PKD2L2: variants seen among roughly 807,000 people sequenced by gnomAD.
PKD2L2 encodes polycystin 2 like 2, transient receptor potential cation channel.
In PKD2L2, 67 loss-of-function variants were observed where a neutral mutation model predicts 83.9. The observed-to-expected ratio is 0.80, with a 90% CI of 0.66 to 0.98. PKD2L2 has a LOEUF of 0.98. PKD2L2 is among the 50% of genes least tolerant of loss of function. The pLI is 0.00. For synonymous variants in PKD2L2, 223 were observed against 237.8 expected, an observed-to-expected ratio of 0.94 and a Z score of 0.57; for missense variants, 632 against 717.2, an observed-to-expected ratio of 0.88 and a Z score of 1.36.
In PKD2L2 at chr5:137,921,776, C is replaced by T. The variant is rs1391452532; in HGVS notation, c.1449+20C>T. On this transcript the variant is annotated intron_variant, in intron 9 of 14. Transcript: ENST00000508883. ...CTGCTGGTAAGAATAATACATATTC[C>T]TTTCATTTCTTACTTTTTAGAATAA... is the stretch of plus-strand genomic sequence containing the variant. 6.6e-7 allele frequency: 1 copy of T among 1,523,258 alleles called. No homozygotes were observed. The highest frequency in any genetic ancestry group is 8.9e-7 in the Non-Finnish European group (1 of 1,117,796). The allele number at this position is 1,523,258 out of a possible 1,614,324, so 94.4% of individuals were successfully genotyped here. A position where few individuals can be genotyped will look rare whatever the true frequency, so the allele number is the denominator to read the frequency against.
At chr5:137,909,606 G>A (rs56215870) in intron 8 of PKD2L2, among the ~76,000 whole-genome samples, 24,712 of 141,544 alleles carry the variant, frequency 0.17, 2,177 homozygotes, top group Middle Eastern at 0.18. Flanking sequence ...CTACACTGGC[G>A]TTATCACAGC....
intron 12 of PKD2L2, among the ~76,000 whole-genome samples, chr5:137,932,488 G>A (rs1759956151): frequency 6.6e-6 from 1 of 152,086 alleles, no homozygotes; most frequent in African/African-American, 2.4e-5. Flanking sequence ...TACTACACAG[G>A]TATTAAAAGA....
chr5:137,919,248 T>A (rs1038390374), intron 8 of PKD2L2, among the ~76,000 whole-genome samples: 1 of 152,194 alleles, frequency 6.6e-6, no homozygotes, highest in Admixed American at 6.5e-5. Flanking sequence ...TATAACCCTG[T>A]ATGTTGAGGC....
intron 8 of PKD2L2, among the ~76,000 whole-genome samples, chr5:137,912,714 T>C (rs1757939627): frequency 6.6e-6 from 1 of 151,962 alleles, no homozygotes; most frequent in Non-Finnish European, 1.5e-5. Context: ...TTTTTTCATA[T>C]ATCTATTGGC....
chr5:137,911,095 C>G (rs1043071730), intron 8 of PKD2L2, among the ~76,000 whole-genome samples: 3 of 152,132 alleles, frequency 2.0e-5, no homozygotes, highest in African/African-American at 7.2e-5. Flanking sequence ...AAAATAAAAA[C>G]TCTATACCAA....
intron 12 of PKD2L2, among the ~76,000 whole-genome samples, chr5:137,929,545 A>AC (rs1192833718): frequency 6.8e-6 from 1 of 147,402 alleles, no homozygotes; most frequent in Non-Finnish European, 1.5e-5. Flanking sequence ...AAAAAAAAAA[A>AC]AAAAAAAAAA....
intron 10 of PKD2L2, among the ~76,000 whole-genome samples, chr5:137,923,933 C>T (rs1006095560): frequency 1.3e-4 from 20 of 152,220 alleles, no homozygotes; most frequent in African/African-American, 4.8e-4. Context: ...TGTTTCTGTT[C>T]ATGGCTACAC....
Position 137,908,890 on chromosome 5 carries a change from A to C in PKD2L2, c.1272A>C (p.Leu424Phe), listed in dbSNP as rs1371018643. Residue 424 changes from leucine to phenylalanine, a missense_variant, in exon 8 of 15, where the codon TTA becomes TTC. This residue lies in a region of PKD2L2 where 399 missense variants were observed against 416.9 expected (regional missense o/e 0.96). Transcript: ENST00000508883. ...TAATATTCTTTGCTTATGCCCAGTT[A>C]GGATTTCTTGTTTTTGGATCACAAG... is the stretch of plus-strand genomic sequence containing the variant. ...FFIIFFAYAQ[L>F]GFLVFGSQVD... 1.2e-6 allele frequency: 2 copies of C among 1,609,778 alleles called. No homozygotes were observed. The highest frequency in any genetic ancestry group is 2.2e-5 in the South Asian group (2 of 90,398).
intron 8 of PKD2L2, among the ~76,000 whole-genome samples, chr5:137,914,834 C>A (rs1758178011): frequency 6.6e-6 from 1 of 151,970 alleles, no homozygotes; most frequent in East Asian, 1.9e-4. Flanking sequence ...AGTTTTTATC[C>A]TGAAAATACG....
intron 10 of PKD2L2, among the ~76,000 whole-genome samples, chr5:137,924,812 T>A (rs1759237869): frequency 6.6e-6 from 1 of 152,180 alleles, no homozygotes; most frequent in Non-Finnish European, 1.5e-5. Context: ...TTTTCCAAGT[T>A]CCAGAGTAAT....
At chr5:137,889,552 A>G in intron 1 of PKD2L2, 30 bp downstream of exon 1, 1 of 1,521,306 alleles carries the variant, frequency 6.6e-7, no homozygotes, top group Non-Finnish European at 8.7e-7. Context: ...AGTGGGAGGG[A>G]CAGGGGCGAT....
At chr5:137,938,043 A>T (rs564354919) in intron 14 of PKD2L2, 3 of 152,144 alleles carry the variant, frequency 2.0e-5, no homozygotes, top group African/African-American at 7.2e-5. Context: ...GTGGACATAT[A>T]TATCTATATA....
chr5:137,932,270 C>T (rs1177763325), intron 12 of PKD2L2, among the ~76,000 whole-genome samples: 1 of 151,908 alleles, frequency 6.6e-6, no homozygotes, highest in Non-Finnish European at 1.5e-5. Flanking sequence ...ATTGCTTGAA[C>T]CCAGGAGGTG....
At chr5:137,928,559 G>A (rs989855532) in intron 12 of PKD2L2, among the ~76,000 whole-genome samples, 4 of 152,152 alleles carry the variant, frequency 2.6e-5, no homozygotes, top group Admixed American at 6.5e-5. Context: ...AGCTTCCCAA[G>A]TAGCTGGGAC....
chr5:137,940,811 A>G (rs1761493611), intron 14 of PKD2L2, among the ~76,000 whole-genome samples: 1 of 152,240 alleles, frequency 6.6e-6, no homozygotes, highest in South Asian at 2.1e-4. Context: ...TTTAATCGCT[A>G]GCTAAAGCAT....
At chr5:137,934,655 T>C (rs913777307) in intron 12 of PKD2L2, among the ~76,000 whole-genome samples, 1 of 151,864 alleles carries the variant, frequency 6.6e-6, no homozygotes, top group East Asian at 1.9e-4. Context: ...TAAAAAAAAA[T>C]ACAAAAATTA....
intron 8 of PKD2L2, among the ~76,000 whole-genome samples, chr5:137,918,774 T>A (rs1051639589): frequency 1.3e-5 from 2 of 152,126 alleles, no homozygotes. Context: ...ATTCTGCCCA[T>A]GTAATTGTTG....
intron 8 of PKD2L2, 98 bp downstream of exon 8, chr5:137,909,044 T>C: frequency 1.5e-6 from 1 of 658,138 alleles, no homozygotes; most frequent in Non-Finnish European, 2.6e-6. Context: ...ATATAAGCTT[T>C]AATATATTTA....
At chr5:137,913,480 A>G (rs977642668) in intron 8 of PKD2L2, among the ~76,000 whole-genome samples, 2 of 150,138 alleles carry the variant, frequency 1.3e-5, no homozygotes, top group Non-Finnish European at 3.0e-5. Context: ...CACTGTGCCC[A>G]GCCATGGCTA....
Sources: gnomAD v4.1 joint callset for allele counts (sites outside exome capture counted in the v4.1 genomes callset) on GRCh38, gnomAD v4.1.1 for gene constraint, gnomAD v4.1.1 regional missense constraint, MANE v1.5 for transcripts, NCBI Gene and HGNC (gene_info 2026-07-23, HGNC 2026-07-21) for gene names.